The following ARHGAP24 variants were observed in gnomAD, a reference collection of about 807,000 sequenced individuals.
The protein encoded by ARHGAP24 is rho GTPase-activating protein 24.
ARHGAP24 carries 50 observed loss-of-function variants against 76.4 expected under a neutral mutation model. The ratio of observed to expected loss-of-function variants is 0.65; its 90% CI spans 0.52 to 0.83. The LOEUF (loss-of-function observed/expected upper bound fraction) is 0.83. Ranked by LOEUF, ARHGAP24 falls within the 40% of genes least tolerant of loss-of-function variation. The probability of loss-of-function intolerance (pLI) is 0.00; values close to 1 mark genes in which losing one functional copy is unlikely to be tolerated. For synonymous variants in ARHGAP24, 345 were observed against 323.3 expected, an observed-to-expected ratio of 1.07 and a Z score of -0.72; for missense variants, 930 against 914.2, an observed-to-expected ratio of 1.02 and a Z score of -0.22.
At position 85,995,655 on chromosome 4, in the gene ARHGAP24, G is replaced by C; in HGVS notation, c.2001G>C (p.Lys667Asn). 6.2e-7 allele frequency: 1 copy of C among 1,613,876 alleles called. No homozygotes were observed. Among genetic ancestry groups the C allele is most frequent in the Non-Finnish European group, 8.5e-7 (1 of 1,179,928 alleles). Residue 667 changes from lysine to asparagine, a missense_variant and splice_region_variant, in exon 9 of 10, where the codon AAG (lysine) becomes AAC (asparagine). Coordinates refer to ENST00000395184, the MANE Select transcript of ARHGAP24 (RefSeq NM_001025616.3). ...AGATAGAGTATGAGTCCAGGATAAA[G>C]AGGTAAGGAAAATCTGGAGGTCGTA... ...KQKIEYESRIKSLEQRNLTLE... is the reference protein window; with the variant it reads ...KQKIEYESRINSLEQRNLTLE...
At chr4:85,610,392 C>T (rs1229259639) in intron 2 of ARHGAP24, among the ~76,000 whole-genome samples, 8 of 130,752 alleles carry the variant, frequency 6.1e-5, no homozygotes, top group African/African-American at 1.2e-4. Context: ...TTCAGTGAGC[C>T]GAGATCCTGC....
At chr4:85,997,642 C>CTAACTTTTTG (rs1430113396) in intron 9 of ARHGAP24, among the ~76,000 whole-genome samples, 18 of 151,372 alleles carry the variant, frequency 1.2e-4, no homozygotes, top group African/African-American at 3.9e-4. Flanking sequence ...CTAACTTTTT[C>CTAACTTTTTG]TTTTCTTATT....
chr4:85,882,324 G>A (rs1733305927), intron 3 of ARHGAP24, among the ~76,000 whole-genome samples: 1 of 152,132 alleles, frequency 6.6e-6, no homozygotes, highest in South Asian at 2.1e-4. Flanking sequence ...AGAATTAGAT[G>A]ACATAACATA....
intron 5 of ARHGAP24, among the ~76,000 whole-genome samples, chr4:85,959,095 G>T (rs554230027): frequency 6.6e-6 from 1 of 152,324 alleles, no homozygotes; most frequent in African/African-American, 2.4e-5. Context: ...CCACTCCATA[G>T]ACAGAGCAGC....
At chr4:85,657,596 C>T (rs1722220126) in intron 2 of ARHGAP24, among the ~76,000 whole-genome samples, 1 of 152,146 alleles carries the variant, frequency 6.6e-6, no homozygotes, top group East Asian at 1.9e-4. Flanking sequence ...TTCGTGTCAG[C>T]TTGCTCTCCC....
chr4:85,487,250 ATATT>A (rs904332221), intron 1 of ARHGAP24, among the ~76,000 whole-genome samples: 31 of 126,920 alleles, frequency 2.4e-4, no homozygotes, highest in East Asian at 2.1e-4. Flanking sequence ...TAGTAAATAT[ATATT>A]TATTATATAT....
chr4:85,870,437 T>C (rs1419244452), intron 3 of ARHGAP24, among the ~76,000 whole-genome samples: 1 of 152,196 alleles, frequency 6.6e-6, no homozygotes, highest in East Asian at 1.9e-4. Flanking sequence ...AAGCTCAGTG[T>C]ACTCTGCTGA....
At chr4:85,672,286 C>T (rs556124980) in intron 2 of ARHGAP24, among the ~76,000 whole-genome samples, 93 of 152,224 alleles carry the variant, frequency 6.1e-4, no homozygotes, top group African/African-American at 2.2e-3. Flanking sequence ...TTTCAATTTC[C>T]GGCTATAAAC....
At chr4:85,515,452 G>C (rs1314403348) in intron 1 of ARHGAP24, among the ~76,000 whole-genome samples, 2 of 147,032 alleles carry the variant, frequency 1.4e-5, no homozygotes, top group South Asian at 2.1e-4. Flanking sequence ...CATTGTTTTT[G>C]AGAAGGAGTT....
chr4:85,789,704 A>C (rs945907018), intron 3 of ARHGAP24, among the ~76,000 whole-genome samples: 5 of 152,174 alleles, frequency 3.3e-5, no homozygotes, highest in African/African-American at 1.2e-4. Flanking sequence ...AGAAGGTCTT[A>C]GGGGAATGGA....
intron 9 of ARHGAP24, among the ~76,000 whole-genome samples, chr4:85,998,895 G>A (rs1378820392): frequency 6.6e-6 from 1 of 152,104 alleles, no homozygotes; most frequent in Admixed American, 6.5e-5. Flanking sequence ...CAAGCTCTGT[G>A]GCCTCTATCC....
chr4:85,690,961 C>A (rs529595176), intron 2 of ARHGAP24, among the ~76,000 whole-genome samples: 11 of 152,156 alleles, frequency 7.2e-5, no homozygotes, highest in African/African-American at 2.6e-4. Flanking sequence ...GATCTCTCTA[C>A]CTTCTTGGTG....
chr4:85,911,250 CT>C (rs1735060011), intron 3 of ARHGAP24, among the ~76,000 whole-genome samples: 1 of 152,180 alleles, frequency 6.6e-6, no homozygotes, highest in Non-Finnish European at 1.5e-5. Flanking sequence ...TGGGGTGGGG[CT>C]CCCACTTGTA....
At chr4:85,634,356 G>C (rs937836724) in intron 2 of ARHGAP24, among the ~76,000 whole-genome samples, 1 of 151,802 alleles carries the variant, frequency 6.6e-6, no homozygotes, top group South Asian at 2.1e-4. Flanking sequence ...TTAAGATCAT[G>C]ATAATAACAA....
intron 1 of ARHGAP24, among the ~76,000 whole-genome samples, chr4:85,523,819 T>G (rs1560519092): frequency 6.8e-6 from 1 of 146,020 alleles, no homozygotes. Flanking sequence ...TGGAGGAAGG[T>G]TCCTTGGTTA....
At chr4:85,599,216 A>C (rs1250855618) in intron 2 of ARHGAP24, among the ~76,000 whole-genome samples, 1 of 152,082 alleles carries the variant, frequency 6.6e-6, no homozygotes, top group African/African-American at 2.4e-5. Context: ...GTTTAGAAGA[A>C]GGAGTTGGCA....
At position 85,993,881 on chromosome 4, in the gene ARHGAP24, A is replaced by G. The variant is rs142552638; in HGVS notation, c.929-702A>G. Reference sequence around the variant, plus strand: ...AACACTCTCCAGATTGCATCAAGCCATTAGTTAATTTACAGAATTCCAAAA... The same window carrying G: ...AACACTCTCCAGATTGCATCAAGCCGTTAGTTAATTTACAGAATTCCAAAA... On this transcript the variant is annotated intron_variant, in intron 8 of 9. Transcript: ENST00000395184. Among the ~76,000 whole-genome samples the G allele has an allele frequency of 1.9e-3, 285 of 152,302 alleles. 1 individual carries two copies. Among genetic ancestry groups the G allele is most frequent in the Middle Eastern group, 0.017 (5 of 294 alleles).
At chr4:85,597,872 T>A (rs1472180539) in intron 2 of ARHGAP24, among the ~76,000 whole-genome samples, 1 of 152,136 alleles carries the variant, frequency 6.6e-6, no homozygotes, top group Admixed American at 6.6e-5. Flanking sequence ...ATGTAACAGA[T>A]GAAATTAAAC....
Position 85,977,704 on chromosome 4 carries a change from T to C in ARHGAP24, c.928+13T>C. On this transcript the variant is annotated intron_variant, in intron 8 of 9. Coordinates refer to ENST00000395184, the MANE Select transcript of ARHGAP24 (RefSeq NM_001025616.3). ...ACTATCATGGAGGGTAAGTAAATGA[T>C]TATCTTATACCCTTATCAAAAGAAG... 1 of 1,613,018 alleles carries C rather than the reference T, an allele frequency of 6.2e-7. No individual in the cohort carries two copies. The highest frequency in any genetic ancestry group is 8.5e-7 in the Non-Finnish European group (1 of 1,179,164).
Sources: allele counts gnomAD v4.1 joint callset (sites outside exome capture counted in the v4.1 genomes callset), GRCh38; gene constraint gnomAD v4.1.1; transcripts MANE v1.5; gene names NCBI Gene and HGNC (gene_info 2026-07-23, HGNC 2026-07-21).